The following STK11IP variants were observed in gnomAD, a reference collection of about 807,000 sequenced individuals.
STK11IP encodes the protein serine/threonine-protein kinase 11-interacting protein.
Under a neutral mutation model 131.7 loss-of-function variants are expected in STK11IP, and 103 were observed. The observed-to-expected ratio is 0.78, with a 90% CI of 0.67 to 0.92. The LOEUF (loss-of-function observed/expected upper bound fraction) is 0.92. STK11IP is among the 40% of genes least tolerant of loss of function. The pLI, the probability that STK11IP is intolerant of heterozygous loss-of-function variation, is 0.00. For synonymous variants in STK11IP, 557 were observed against 575.6 expected (o/e 0.97, Z 0.46); for missense variants, 1,315 against 1,385.7 (o/e 0.95, Z 0.81).
Position 219,608,243 on chromosome 2 carries a change from G to C in STK11IP, c.1416G>C (p.Pro472=), listed in dbSNP as rs1296790421. Residue 472 remains proline, a synonymous_variant, in exon 14 of 25, where the codon CCG becomes CCC. Coordinates refer to ENST00000456909, the MANE Select transcript of STK11IP (RefSeq NM_052902.4). ...ACACTGCACCCAGACCTTCACCCCC[G>C]CAGGAGGAAGCCAGAGGCCCCCAGG... The part of the protein sequence containing the change: ...GPDTAPRPSP[P]QEEARGPQES... 6.2e-7 allele frequency: 1 copy of C among 1,613,536 alleles called. No homozygotes were observed. The highest frequency in any genetic ancestry group is 1.1e-5 in the South Asian group (1 of 91,066).
rs1253857841 is a variant in STK11IP, at chr2:219,615,127, C to T, written c.2903C>T (p.Thr968Ile). ...ACCTGCCTCGTATCCCTGTTGCTGA[C>T]TCCGTCCACCCTGTTCCTGTTAGAT... ...PSTCLVSLLLTPSTLFLLDED... is the reference protein window; with the variant it reads ...PSTCLVSLLLIPSTLFLLDED... Residue 968 changes from threonine to isoleucine, a missense_variant, in exon 24 of 25, where the codon ACT becomes ATT. By Grantham distance (89) the Thr-to-Ile change is moderately conservative (BLOSUM62 -1). Transcript: ENST00000456909. 4 of 1,609,466 alleles carry T rather than the reference C, an allele frequency of 2.5e-6. No individual in the cohort carries two copies. Among genetic ancestry groups the T allele is most frequent in the Non-Finnish European group, 3.4e-6 (4 of 1,179,108 alleles).
rs748512477 is a variant in STK11IP, at chr2:219,598,169, T to C, written c.50T>C (p.Leu17Pro). Residue 17 changes from leucine (L) to proline (P), a missense_variant, in exon 2 of 25, where the codon CTG becomes CCG. By Grantham distance (98) the Leu-to-Pro change is moderately conservative (BLOSUM62 -3). Transcript: ENST00000456909. ...CTGTTGTGGAAGCTCGCGGGGTTGC[T>C]GCGGGAGTCCGGTGAGTGGACTTCC... is the stretch of plus-strand genomic sequence containing the variant. The part of the protein sequence containing the change: ...DSLLWKLAGL[L>P]RESGDVVLSG... 3.8e-6 allele frequency: 6 copies of C among 1,564,302 alleles called. No homozygotes were observed. Among genetic ancestry groups the C allele is most frequent in the Non-Finnish European group, 5.2e-6 (6 of 1,154,248 alleles).
At chr2:219,606,338 C>G in intron 10 of STK11IP, 48 bp downstream of exon 10, 1 of 1,546,082 alleles carries the variant, frequency 6.5e-7, no homozygotes, top group Non-Finnish European at 8.8e-7. Flanking sequence ...CCTGCCCAGT[C>G]CTCCCCCACC....
intron 10 of STK11IP, 31 bp from the exon 11 acceptor site, chr2:219,606,445 A>G (rs777836206): frequency 3.1e-6 from 5 of 1,604,796 alleles, no homozygotes; most frequent in Non-Finnish European, 4.3e-6. Flanking sequence ...GGCCTACCAC[A>G]TACTCCCTCC....
Position 219,602,507 on chromosome 2 carries a change from C to T in STK11IP, c.478C>T (p.Leu160Phe), listed in dbSNP as rs1698021132. The T allele has an allele frequency of 3.1e-6, 5 of 1,614,014 alleles. No homozygotes were observed. The South Asian group carries it at 5.5e-5, about 18-fold the overall frequency. The change falls in exon 6 of 25, where the codon CTC (leucine) becomes TTC (phenylalanine). Residue 160 changes from leucine to phenylalanine, a missense_variant. Coordinates refer to ENST00000456909, the MANE Select transcript of STK11IP (RefSeq NM_052902.4). ...CTGCGGCGGCGACTTCTGCTCTGCC[C>T]TCCCTTGGCTGGCTCTGCTTTCTGC... ...SACGGDFCSA[L>F]PWLALLSANF...
At chr2:219,611,564 TG>T (rs757312802) in intron 17 of STK11IP, 39 bp from the exon 18 acceptor site, 35 of 1,503,710 alleles carry the variant, frequency 2.3e-5, no homozygotes, top group Middle Eastern at 1.7e-4. Context: ...TGTGGCACTG[TG>T]GGGGGGGCTC....
intron 2 of STK11IP, 72 bp downstream of exon 2, chr2:219,598,252 C>T: frequency 8.7e-7 from 1 of 1,151,630 alleles, no homozygotes; most frequent in Non-Finnish European, 1.2e-6. Flanking sequence ...TGGAGACACG[C>T]CCTGAGAGTC....
chr2:219,614,481 T>A lies in STK11IP; in HGVS notation c.2804T>A (p.Leu935Ter). ...GCCTGCCATATTCCCTCTAGGCCAT[T>A]GCTGGAAAAAGACTCATCCTTGGAG... Reference protein sequence around the residue: ...EVTPQHRLWPLLEKDSSLEAR... With the variant: ...EVTPQHRLWP Residue 935 changes from leucine to a stop codon, truncating the protein, a stop_gained, in exon 23 of 25, where the codon TTG becomes TAG. Coordinates refer to ENST00000456909, the MANE Select transcript of STK11IP (RefSeq NM_052902.4). LOFTEE classifies it high-confidence loss of function. 1 of 1,613,802 alleles carries A rather than the reference T, an allele frequency of 6.2e-7. No individual in the cohort carries two copies. The highest frequency in any genetic ancestry group is 8.5e-7 in the Non-Finnish European group (1 of 1,179,848).
chr2:219,614,770 T>TGC, intron 23 of STK11IP: 1 of 701,706 alleles, frequency 1.4e-6, no homozygotes, highest in Non-Finnish European at 2.6e-6. Flanking sequence ...CCAGAGCCTT[T>TGC]GCTCTCGGGC....
intron 3 of STK11IP, 95 bp from the exon 4 acceptor site, chr2:219,601,546 G>T: frequency 6.4e-7 from 1 of 1,553,082 alleles, no homozygotes; most frequent in Non-Finnish European, 8.7e-7. Context: ...GATCCAGAGG[G>T]TGTCAGAGGT....
At position 219,613,724 on chromosome 2, in the gene STK11IP, T is replaced by A. The variant is rs1459383548; in HGVS notation, c.2538-28T>A. The A allele has an allele frequency of 3.1e-6, 5 of 1,611,812 alleles. No individual in the cohort carries two copies. The Admixed American group carries it at 5.0e-5, about 16-fold the overall frequency. Reference sequence around the variant, plus strand: ...GACTCTCACTCCACTCTCATGCTTCTCCATTGCTCTGTCCCCTCTCTCCAC... The same window carrying A: ...GACTCTCACTCCACTCTCATGCTTCACCATTGCTCTGTCCCCTCTCTCCAC... On this transcript the variant is annotated intron_variant, in intron 20 of 24. Coordinates refer to ENST00000456909, the MANE Select transcript of STK11IP (RefSeq NM_052902.4).
intron 2 of STK11IP, among the ~76,000 whole-genome samples, chr2:219,600,182 C>G (rs888282172): frequency 6.6e-6 from 1 of 151,808 alleles, no homozygotes; most frequent in Non-Finnish European, 1.5e-5. Context: ...CTGGCCTCAG[C>G]CCCTCGAGTA....
chr2:219,608,696 G>A lies in STK11IP; in HGVS notation c.1717G>A (p.Ala573Thr). Reference sequence around the variant, plus strand: ...CCACCTGTTTGAGGTGGAACTCCAAGCAGCTCGCACCTTGGAGCGACTGGA... The same window carrying A: ...CCACCTGTTTGAGGTGGAACTCCAAACAGCTCGCACCTTGGAGCGACTGGA... ...SAHLFEVELQ[A>T]ARTLERLELQ... The change falls in exon 15 of 25, where the codon GCA (alanine) becomes ACA (threonine). Residue 573 changes from alanine to threonine, a missense_variant. Transcript: ENST00000456909. 1 of 1,613,626 alleles carries A rather than the reference G, an allele frequency of 6.2e-7. No individual in the cohort carries two copies. Among genetic ancestry groups the A allele is most frequent in the South Asian group, 1.1e-5 (1 of 91,062 alleles).
In STK11IP at chr2:219,615,335, C is replaced by G; in HGVS notation, c.3111C>G (p.Tyr1037Ter). Reference sequence around the variant, plus strand: ...CTGAGGACTTGCGGCTGCTCTTCTACGATGAGGTGTGTATGTGTATCTCCA... The same window carrying G: ...CTGAGGACTTGCGGCTGCTCTTCTAGGATGAGGTGTGTATGTGTATCTCCA... Reference protein sequence around the residue: ...SAPEDLRLLFYDEVSRLESFW... With the variant: ...SAPEDLRLLF The change falls in exon 24 of 25, where the codon TAC (tyrosine) becomes TAG (stop). Residue 1037 changes from tyrosine to a stop codon, truncating the protein, a stop_gained. Coordinates refer to ENST00000456909, the MANE Select transcript of STK11IP (RefSeq NM_052902.4). LOFTEE classifies it high-confidence loss of function. 6.2e-7 allele frequency: 1 copy of G among 1,600,324 alleles called. No homozygotes were observed. The highest frequency in any genetic ancestry group is 1.1e-5 in the South Asian group (1 of 90,846).
At chr2:219,599,663 T>C (rs988604928) in intron 2 of STK11IP, among the ~76,000 whole-genome samples, 1 of 152,312 alleles carries the variant, frequency 6.6e-6, no homozygotes, top group African/African-American at 2.4e-5. Flanking sequence ...TGTATCTTGA[T>C]TGCGTGGCTG....
Position 219,600,657 on chromosome 2 carries a change from A to T in STK11IP, c.62-578A>T, listed in dbSNP as rs576208753. 1.1e-3 allele frequency among the ~76,000 whole-genome samples: 173 copies of T among 152,378 alleles called. 1 individual carries two copies. Among genetic ancestry groups the T allele is most frequent in the Non-Finnish European group, 1.7e-3 (116 of 68,032 alleles). ...TCTCATTAGAGAGAGCAGTTTTAAC[A>T]GACAGCAATAACAATGCCTTAGTGC... is the stretch of plus-strand genomic sequence containing the variant. On this transcript the variant is annotated intron_variant, in intron 2 of 24. Transcript: ENST00000456909.
chr2:219,604,493 A>G lies in STK11IP; in HGVS notation c.619-1115A>G, dbSNP rs933273355. 2.0e-5 allele frequency among the ~76,000 whole-genome samples: 3 copies of G among 152,198 alleles called. No homozygotes were observed. In the East Asian group the frequency reaches 5.8e-4, roughly 29 times the overall value. ...TTGTTCACTAAAAACCAACTGAGCC[A>G]TTTATTGGGACTTGGTAGTGGATGA... On this transcript the variant is annotated intron_variant, in intron 7 of 24. Transcript: ENST00000456909.
chr2:219,609,393 A>C lies in STK11IP; in HGVS notation c.1957A>C (p.Asn653His). The C allele has an allele frequency of 6.2e-7, 1 of 1,613,796 alleles. No individual in the cohort carries two copies. The highest frequency in any genetic ancestry group is 8.5e-7 in the Non-Finnish European group (1 of 1,179,874). The change falls in exon 17 of 25, where the codon AAT (asparagine) becomes CAT (histidine). Residue 653 changes from asparagine (N) to histidine (H), a missense_variant. Asn to His is a moderately conservative substitution (Grantham distance 68). Transcript: ENST00000456909. ...ELLAVLTPVT[N>H]VAREQLGEAR... ...GCTTGCCGTGTTGACCCCAGTCACC[A>C]ATGTGGCTCGGGAACAGCTTGGGGA...
rs895276263 is a variant in STK11IP, at chr2:219,609,583, T to C, written c.2104+43T>C. 3.9e-6 allele frequency: 6 copies of C among 1,550,172 alleles called. No individual in the cohort carries two copies. The African/African-American group carries it at 8.2e-5, about 21-fold the overall frequency. ...GACCTCTCTGCCCACACGCCTCCCC[T>C]GTTCCAGGGAAAGTGGCTCTGTGTA... On this transcript the variant is annotated intron_variant, in intron 17 of 24. Transcript: ENST00000456909.
Sources: gnomAD v4.1 joint callset for allele counts (sites outside exome capture counted in the v4.1 genomes callset) on GRCh38, gnomAD v4.1.1 for gene constraint, MANE v1.5 for transcripts, NCBI Gene and HGNC (gene_info 2026-07-23, HGNC 2026-07-21) for gene names.